MFAP5: variants seen among roughly 807,000 people sequenced by gnomAD.
MFAP5 encodes the protein microfibril associated protein 5, also known as microfibrillar-associated protein 5.
MFAP5 carries 19 observed loss-of-function variants against 30.1 expected under a neutral mutation model. That is an observed-to-expected ratio of 0.63 (90% CI 0.44 to 0.93). The LOEUF (loss-of-function observed/expected upper bound fraction) is 0.93. Ranked by LOEUF, MFAP5 falls within the 40% of genes least tolerant of loss-of-function variation. MFAP5 has a pLI of 0.00. For synonymous variants in MFAP5, 92 were observed against 72.9 expected (o/e 1.26, Z -1.33); for missense variants, 210 against 221.3 (o/e 0.95, Z 0.32).
chr12:8,655,525 A>T (rs1941957720), intron 4 of MFAP5, 78 bp from the exon 5 acceptor site: 1 of 1,437,848 alleles, frequency 7.0e-7, no homozygotes, highest in South Asian at 1.2e-5. Context: ...GGGGACGATG[A>T]TCTCAAAGGA....
intron 2 of MFAP5, 85 bp from the exon 3 acceptor site, chr12:8,660,983 G>A: frequency 8.6e-7 from 1 of 1,167,150 alleles, no homozygotes; most frequent in Non-Finnish European, 1.3e-6. Context: ...AGAAAATCAT[G>A]GAGAAATGGT....
chr12:8,648,390 A>G (rs1941741673), intron 9 of MFAP5, 187 bp from the exon 10 acceptor site: 2 of 953,092 alleles, frequency 2.1e-6, no homozygotes, highest in Non-Finnish European at 3.0e-6. Flanking sequence ...CTTAAATTTT[A>G]TAAACCTCAC....
In MFAP5 at chr12:8,647,334, A is replaced by G. The variant is rs1044947914; in HGVS notation, c.*757T>C. The G allele has an allele frequency of 6.6e-6, 1 of 152,266 alleles. No individual in the cohort carries two copies. Among genetic ancestry groups the G allele is most frequent in the African/African-American group, 2.4e-5 (1 of 41,472 alleles). The allele number at this position is 152,266 out of a possible 1,614,324, so 9.4% of individuals were successfully genotyped here. A position where few individuals can be genotyped will look rare whatever the true frequency, so the allele number is the denominator to read the frequency against. On this transcript the variant is annotated 3_prime_UTR_variant, in exon 10 of 10. Coordinates refer to ENST00000359478, the MANE Select transcript of MFAP5 (RefSeq NM_003480.4). ...CGGTACTACCCATAAACGAATCAGT[A>G]AATGAGACTTAGTTTCCAACCTTAC...
In MFAP5 at chr12:8,662,063, T is replaced by C. The variant is rs1942166433; in HGVS notation, c.42A>G (p.Ala14=). 2 of 1,613,776 alleles carry C rather than the reference T, an allele frequency of 1.2e-6. No individual in the cohort carries two copies. Among genetic ancestry groups the C allele is most frequent in the Non-Finnish European group, 1.7e-6 (2 of 1,180,016 alleles). Residue 14 remains alanine, a synonymous_variant, in exon 2 of 10, where the codon GCA becomes GCG. Coordinates refer to ENST00000359478, the MANE Select transcript of MFAP5 (RefSeq NM_003480.4). ...AGGACTCACCAGAGGTGATGATGAA[T>C]GCAGCAAGAAACAGCAGCACCTTGG... The part of the protein sequence containing the change: ...LGPKVLLFLA[A]FIITSDWIPL...
In MFAP5 at chr12:8,650,552, G is replaced by T; in HGVS notation, c.285C>A (p.Tyr95Ter). 6.2e-7 allele frequency: 1 copy of T among 1,614,140 alleles called. No individual in the cohort carries two copies. The highest frequency in any genetic ancestry group is 1.1e-5 in the South Asian group (1 of 91,084). The change falls in exon 8 of 10, where the codon TAC becomes TAA. Residue 95 changes from tyrosine to a stop codon, truncating the protein, a stop_gained. Coordinates refer to ENST00000359478, the MANE Select transcript of MFAP5 (RefSeq NM_003480.4). LOFTEE classifies it high-confidence loss of function. ...WDEKFTCTRLYSVHRPVKQCI... is the reference protein window; with the variant it reads ...WDEKFTCTRL ...ATTGTTTAACCGGCCGATGCACAGA[G>T]TAGAGCCTTGTGCAGGTAAATTTCT...
intron 7 of MFAP5, among the ~76,000 whole-genome samples, chr12:8,651,059 C>T (rs758751702): frequency 6.6e-6 from 1 of 151,906 alleles, no homozygotes; most frequent in Non-Finnish European, 1.5e-5. Context: ...CTCAGCTACT[C>T]GGGAGGCTGA....
chr12:8,657,245 T>C (rs763609295), intron 3 of MFAP5, among the ~76,000 whole-genome samples: 75 of 152,202 alleles, frequency 4.9e-4, no homozygotes, highest in African/African-American at 1.7e-3. Flanking sequence ...AGTGCTATTA[T>C]TTACAGTTTC....
intron 3 of MFAP5, among the ~76,000 whole-genome samples, chr12:8,659,318 A>G (rs765045633): frequency 1.3e-5 from 2 of 151,810 alleles, no homozygotes; most frequent in East Asian, 3.9e-4. Context: ...CGAAAAAAAA[A>G]AAAAATAAAA....
chr12:8,654,200 T>C (rs776197078), intron 6 of MFAP5: 1 of 442,998 alleles, frequency 2.3e-6, no homozygotes, highest in Non-Finnish European at 4.0e-6. Context: ...GTGTTTATAC[T>C]TTTATCTTGC....
At position 8,647,830 on chromosome 12, in the gene MFAP5, T is replaced by C. The variant is rs754146264; in HGVS notation, c.*261A>G. On this transcript the variant is annotated 3_prime_UTR_variant, in exon 10 of 10. Coordinates refer to ENST00000359478, the MANE Select transcript of MFAP5 (RefSeq NM_003480.4). ...GAATGTTTGTATATAAGCCATATAG[T>C]CATCATCTATTCACTGTGTCTATGA... The C allele has an allele frequency of 7.3e-5, 20 of 272,932 alleles. No homozygotes were observed. In the East Asian group the frequency reaches 1.5e-3, roughly 20 times the overall value. The allele number at this position is 272,932 out of a possible 1,614,324, so 16.9% of individuals were successfully genotyped here. A position where few individuals can be genotyped will look rare whatever the true frequency, so the allele number is the denominator to read the frequency against.
At chr12:8,654,002 T>C (rs533954613) in intron 6 of MFAP5, among the ~76,000 whole-genome samples, 7 of 151,960 alleles carry the variant, frequency 4.6e-5, no homozygotes, top group Non-Finnish European at 1.0e-4. Context: ...GGTAGGTGCC[T>C]ATAATTCCAG....
chr12:8,655,511 A>G (rs1941957229), intron 4 of MFAP5, 64 bp from the exon 5 acceptor site: 1 of 1,515,548 alleles, frequency 6.6e-7, no homozygotes, highest in Admixed American at 1.9e-5. Context: ...GGAAAGCAGG[A>G]TAAGGGGACG....
At chr12:8,660,989 A>G in intron 2 of MFAP5, 91 bp from the exon 3 acceptor site, 5 of 1,104,894 alleles carry the variant, frequency 4.5e-6, no homozygotes, top group Non-Finnish European at 6.8e-6. Context: ...TCATGGAGAA[A>G]TGGTTATACT....
intron 7 of MFAP5, among the ~76,000 whole-genome samples, chr12:8,650,823 T>A (rs1482888501): frequency 6.6e-6 from 1 of 152,160 alleles, no homozygotes; most frequent in Non-Finnish European, 1.5e-5. Context: ...GATAAAATAA[T>A]CTCTGAGAGC....
chr12:8,656,668 A>ATATATATTTTTT (rs1174790172), intron 3 of MFAP5, among the ~76,000 whole-genome samples: 10 of 118,784 alleles, frequency 8.4e-5, no homozygotes, highest in Admixed American at 3.4e-4. Context: ...ATATATATAT[A>ATATATATTTTTT]TTTTTTTTTT....
At chr12:8,655,745 A>G in intron 4 of MFAP5, 41 bp downstream of exon 4, 1 of 1,593,022 alleles carries the variant, frequency 6.3e-7, no homozygotes. Flanking sequence ...TCTATCCCCA[A>G]TAAAACAGCA....
intron 8 of MFAP5, 159 bp downstream of exon 8, chr12:8,650,343 C>A: frequency 1.5e-6 from 1 of 652,038 alleles, no homozygotes; most frequent in Non-Finnish European, 2.8e-6. Flanking sequence ...GCCCATACTC[C>A]AGGTTCTAGT....
chr12:8,657,403 G>A (rs1942031939), intron 3 of MFAP5, among the ~76,000 whole-genome samples: 1 of 151,788 alleles, frequency 6.6e-6, no homozygotes, highest in South Asian at 2.1e-4. Context: ...TGGGTGATAA[G>A]AGAGAAACCC....
intron 3 of MFAP5, among the ~76,000 whole-genome samples, chr12:8,656,668 A>ATATATTTTT (rs1174790172): frequency 8.4e-6 from 1 of 118,802 alleles, no homozygotes; most frequent in Admixed American, 8.5e-5. Context: ...ATATATATAT[A>ATATATTTTT]TTTTTTTTTT....
Sources: allele counts gnomAD v4.1 joint callset (sites outside exome capture counted in the v4.1 genomes callset), GRCh38; gene constraint gnomAD v4.1.1; transcripts MANE v1.5; gene names NCBI Gene and HGNC (gene_info 2026-07-23, HGNC 2026-07-21).